ATP2B4: variants seen among roughly 807,000 people sequenced by gnomAD.
ATP2B4 encodes plasma membrane calcium-transporting ATPase 4.
A neutral mutation model predicts 110.3 loss-of-function variants in ATP2B4; 39 were observed. The observed-to-expected ratio is 0.35, with a 90% CI of 0.27 to 0.46. ATP2B4 has a LOEUF of 0.46. ATP2B4 is among the 20% of genes least tolerant of loss of function. The probability of loss-of-function intolerance (pLI) is 1.00; values close to 1 mark genes in which losing one functional copy is unlikely to be tolerated. For synonymous variants in ATP2B4, 538 were observed against 571.7 expected, an observed-to-expected ratio of 0.94 and a Z score of 0.84; for missense variants, 1,135 against 1,530.9, an observed-to-expected ratio of 0.74 and a Z score of 4.32.
intron 12 of ATP2B4, 133 bp downstream of exon 12, chr1:203,711,241 AG>A: frequency 1.3e-6 from 1 of 792,654 alleles, no homozygotes; most frequent in Admixed American, 2.4e-5. Flanking sequence ...CCTGCTTCAC[AG>A]GACTGCTGTG....
chr1:203,639,231 T>C (rs909501164), intron 1 of ATP2B4, among the ~76,000 whole-genome samples: 1 of 152,240 alleles, frequency 6.6e-6, no homozygotes, highest in Non-Finnish European at 1.5e-5. Context: ...GCCACCATAA[T>C]GTGACAGCAC....
chr1:203,656,294 A>C (rs1664162613), intron 1 of ATP2B4, among the ~76,000 whole-genome samples: 1 of 152,178 alleles, frequency 6.6e-6, no homozygotes, highest in Admixed American at 6.6e-5. Context: ...TACCATTCTG[A>C]AACTAGAAAT....
intron 10 of ATP2B4, among the ~76,000 whole-genome samples, chr1:203,708,534 G>T (rs528374321): frequency 6.6e-6 from 1 of 152,230 alleles, no homozygotes; most frequent in Non-Finnish European, 1.5e-5. Flanking sequence ...AAGGATCACG[G>T]TTACCACTGA....
intron 1 of ATP2B4, among the ~76,000 whole-genome samples, chr1:203,630,369 C>CTTT (rs869129746): frequency 1.3e-4 from 2 of 14,960 alleles, no homozygotes; most frequent in African/African-American, 2.2e-4. Flanking sequence ...CTCTCTCTCT[C>CTTT]TTTTTTTTTT....
chr1:203,739,859 T>G lies in ATP2B4; in HGVS notation c.*5T>G. The G allele has an allele frequency of 6.2e-7, 1 of 1,602,446 alleles. No individual in the cohort carries two copies. Among genetic ancestry groups the G allele is most frequent in the Non-Finnish European group, 8.5e-7 (1 of 1,173,038 alleles). On this transcript the variant is annotated 3_prime_UTR_variant, in exon 21 of 21. Transcript: ENST00000357681. The stretch of plus-strand genomic sequence containing the variant: ...AGCCTAGAGACATCAGTTTGAATTT[T>G]CTTTCTCTGACTCTCATCCCTATTT...
chr1:203,720,599 A>G lies in ATP2B4; in HGVS notation c.2457A>G (p.Thr819=). Reference sequence around the variant, plus strand: ...AGGAGGCTTCAGACATCATCCTAACAGATGACAACTTCACCAGCATTGTGA... The same window carrying G: ...AGGAGGCTTCAGACATCATCCTAACGGATGACAACTTCACCAGCATTGTGA... ...VAKEASDIIL[T]DDNFTSIVKA... The change falls in exon 16 of 21, where the codon ACA becomes ACG. Residue 819 remains threonine (T), a synonymous_variant. Transcript: ENST00000357681. 1.9e-6 allele frequency: 3 copies of G among 1,613,900 alleles called. No homozygotes were observed. Among genetic ancestry groups the G allele is most frequent in the Non-Finnish European group, 2.5e-6 (3 of 1,179,810 alleles).
chr1:203,703,925 A>G, intron 8 of ATP2B4, 112 bp downstream of exon 8: 2 of 1,382,510 alleles, frequency 1.4e-6, no homozygotes, highest in Non-Finnish European at 1.9e-6. Context: ...CTGAAACTTC[A>G]GGGTGGCTAG....
At chr1:203,729,783 T>G in intron 20 of ATP2B4, 1 of 1,322,874 alleles carries the variant, frequency 7.6e-7, no homozygotes, top group Admixed American at 2.1e-5. Context: ...GTCCGGGCAC[T>G]GCCTGGAGCT....
At chr1:203,686,699 T>TTTTTTTTTTTTTTTTTTTTTTTTG (rs1665199348) in intron 2 of ATP2B4, among the ~76,000 whole-genome samples, 1 of 136,956 alleles carries the variant, frequency 7.3e-6, no homozygotes, top group Non-Finnish European at 1.6e-5. Flanking sequence ...TTTTTTTTTT[T>TTTTTTTTTTTTTTTTTTTTTTTTG]TTTTTTTTTT....
chr1:203,699,904 GT>G (rs1257755145), intron 4 of ATP2B4, among the ~76,000 whole-genome samples, 187 bp downstream of exon 4: 1 of 152,196 alleles, frequency 6.6e-6, no homozygotes, highest in Non-Finnish European at 1.5e-5. Context: ...CTGAAACTCT[GT>G]CGCAAGATTG....
At chr1:203,660,095 A>AG (rs1664290609) in intron 1 of ATP2B4, among the ~76,000 whole-genome samples, 1 of 149,540 alleles carries the variant, frequency 6.7e-6, no homozygotes, top group African/African-American at 2.5e-5. Context: ...AAAAAAAAAA[A>AG]AAAAAGAAAG....
In ATP2B4 at chr1:203,733,181, T is replaced by A. The variant is rs752539708; in HGVS notation, c.3309+5610T>A. 5.1e-6 allele frequency: 8 copies of A among 1,571,506 alleles called. No individual in the cohort carries two copies. In the Admixed American group the frequency reaches 1.4e-4, roughly 27 times the overall value. ...TCCTCTTTCTTCACCTCTCTCGGAC[T>A]GACTGTGGAGCAAAGCTGTCTCACT... On this transcript the variant is annotated intron_variant, in intron 20 of 20. Coordinates refer to ENST00000357681, the MANE Select transcript of ATP2B4 (RefSeq NM_001684.5).
chr1:203,727,946 G>A (rs1046523407), intron 20 of ATP2B4, among the ~76,000 whole-genome samples: 2 of 152,214 alleles, frequency 1.3e-5, no homozygotes, highest in African/African-American at 4.8e-5. Context: ...GAAGGAAGGA[G>A]TTAGACAATA....
At chr1:203,699,761 ATTTAAGGGATAGGTCC>A in intron 4 of ATP2B4, 44 bp downstream of exon 4, 1 of 1,606,712 alleles carries the variant, frequency 6.2e-7, no homozygotes, top group Non-Finnish European at 8.5e-7. Flanking sequence ...CACCACCCCC[ATTTAAGGGATAGGTCC>A]TTTGGCATGA....
intron 1 of ATP2B4, among the ~76,000 whole-genome samples, chr1:203,651,366 A>T (rs971172363): frequency 1.3e-5 from 2 of 152,016 alleles, no homozygotes; most frequent in Non-Finnish European, 2.9e-5. Flanking sequence ...CTGCTTATTT[A>T]TATATGCTAT....
At chr1:203,631,146 C>A (rs1272820884) in intron 1 of ATP2B4, among the ~76,000 whole-genome samples, 1 of 152,208 alleles carries the variant, frequency 6.6e-6, no homozygotes, top group Non-Finnish European at 1.5e-5. Flanking sequence ...GAGCCAAGGG[C>A]TCTGGGTCAG....
intron 20 of ATP2B4, among the ~76,000 whole-genome samples, chr1:203,738,552 A>G (rs1311347440): frequency 6.6e-5 from 10 of 152,066 alleles, no homozygotes; most frequent in Admixed American, 6.6e-4. Flanking sequence ...CATCCTCTTC[A>G]TCCACCCCAT....
intron 1 of ATP2B4, among the ~76,000 whole-genome samples, chr1:203,633,249 A>G (rs1015878597): frequency 1.3e-5 from 2 of 152,214 alleles, no homozygotes; most frequent in African/African-American, 4.8e-5. Context: ...CCTTGAGTCT[A>G]TTTTGACAGT....
intron 20 of ATP2B4, among the ~76,000 whole-genome samples, chr1:203,734,946 G>A (rs1666839346): frequency 7.0e-6 from 1 of 142,490 alleles, no homozygotes; most frequent in Non-Finnish European, 1.5e-5. Flanking sequence ...GGAGGTTGCG[G>A]TGAGCCAAGA....
Sources: gnomAD v4.1 joint callset for allele counts (sites outside exome capture counted in the v4.1 genomes callset) on GRCh38, gnomAD v4.1.1 for gene constraint, MANE v1.5 for transcripts, NCBI Gene and HGNC (gene_info 2026-07-23, HGNC 2026-07-21) for gene names.